The following L3MBTL4 variants were observed in gnomAD, a reference collection of about 807,000 sequenced individuals.
The protein encoded by L3MBTL4 is L3MBTL histone methyl-lysine binding protein 4.
In L3MBTL4, 70 loss-of-function variants were observed where a neutral mutation model predicts 84.5. The observed-to-expected ratio is 0.83, with a 90% CI of 0.68 to 1.01. The LOEUF (loss-of-function observed/expected upper bound fraction) is 1.01, where lower values mean the gene tolerates loss of function less well. Among genes scored for constraint, L3MBTL4 ranks in the 50% least tolerant of loss-of-function variants. The probability of loss-of-function intolerance (pLI) is 0.00; values close to 1 mark genes in which losing one functional copy is unlikely to be tolerated. For synonymous variants in L3MBTL4, 274 were observed against 259.8 expected (o/e 1.05, Z -0.52); for missense variants, 715 against 754.8 (o/e 0.95, Z 0.62).
intron 4 of L3MBTL4, among the ~76,000 whole-genome samples, chr18:6,285,229 G>T (rs978566952): frequency 6.6e-6 from 1 of 152,206 alleles, no homozygotes; most frequent in East Asian, 1.9e-4. Context: ...GGTGGCCATG[G>T]ATGCCAGGGA....
At chr18:6,381,702 C>T (rs924751627) in intron 1 of L3MBTL4, among the ~76,000 whole-genome samples, 2 of 152,244 alleles carry the variant, frequency 1.3e-5, no homozygotes, top group Admixed American at 1.3e-4. Flanking sequence ...GAGAGATCTG[C>T]TGTTAGTCTG....
chr18:6,213,144 T>C lies in L3MBTL4; in HGVS notation c.981+5A>G, dbSNP rs769946488. On this transcript the variant is annotated splice_donor_5th_base_variant and intron_variant, in intron 12 of 18. Coordinates refer to ENST00000317931, the MANE Select transcript of L3MBTL4 (RefSeq NM_001330559.2). ...TATAATAACATAATAATTTAAAATA[T>C]GTACCTTTACTCTTTGGTCATCAAC... is the stretch of plus-strand genomic sequence containing the variant. The C allele has an allele frequency of 5.4e-6, 8 of 1,494,272 alleles. No homozygotes were observed. The East Asian group carries it at 6.9e-5, about 13-fold the overall frequency. The allele number at this position is 1,494,272 out of a possible 1,614,324, so 92.6% of individuals were successfully genotyped here.
In L3MBTL4 at chr18:6,346,871, T is replaced by C. The variant is rs574636180; in HGVS notation, c.-90-34815A>G. 9.2e-5 allele frequency among the ~76,000 whole-genome samples: 14 copies of C among 152,244 alleles called. 1 individual carries two copies. The highest frequency in any genetic ancestry group is 6.5e-4 in the Admixed American group (10 of 15,296). On this transcript the variant is annotated intron_variant, in intron 1 of 18. Transcript: ENST00000317931. ...AAATCAGTATCCAAAGAAATATTTGTACTCCCATATTCACTGCAGCAATAT... is the reference window on the plus strand; with the variant it reads ...AAATCAGTATCCAAAGAAATATTTGCACTCCCATATTCACTGCAGCAATAT...
At chr18:6,139,955 T>G (rs2060144961) in intron 13 of L3MBTL4, among the ~76,000 whole-genome samples, 1 of 152,090 alleles carries the variant, frequency 6.6e-6, no homozygotes. Context: ...CTCTGGCAAA[T>G]GCTCAGGCAC....
intron 1 of L3MBTL4, among the ~76,000 whole-genome samples, chr18:6,413,279 T>C (rs1254508803): frequency 2.6e-5 from 4 of 152,210 alleles, no homozygotes; most frequent in Non-Finnish European, 4.4e-5. Flanking sequence ...TAAGTGATTC[T>C]GCAGTCAAGG....
intron 16 of L3MBTL4, among the ~76,000 whole-genome samples, chr18:6,051,368 G>C (rs780319384): frequency 6.6e-6 from 1 of 152,038 alleles, no homozygotes; most frequent in African/African-American, 2.4e-5. Context: ...GTGAAACCCC[G>C]TCTCTACTAA....
intron 10 of L3MBTL4, among the ~76,000 whole-genome samples, chr18:6,228,117 G>A (rs1261034075): frequency 3.9e-5 from 6 of 152,146 alleles, no homozygotes. Context: ...CGTAGACCTA[G>A]ACATACATTG....
chr18:6,109,227 G>A (rs889464686), intron 14 of L3MBTL4, among the ~76,000 whole-genome samples: 3 of 152,074 alleles, frequency 2.0e-5, no homozygotes, highest in Admixed American at 1.3e-4. Context: ...ATCAATAGTG[G>A]ACCAATTTTT....
At chr18:5,974,831 A>G (rs1343981911) in intron 16 of L3MBTL4, among the ~76,000 whole-genome samples, 1 of 152,082 alleles carries the variant, frequency 6.6e-6, no homozygotes, top group Non-Finnish European at 1.5e-5. Context: ...GGGCATGGTG[A>G]CATGCACCTG....
chr18:6,083,002 G>A lies in L3MBTL4; in HGVS notation c.1374-2051C>T, dbSNP rs146123824. On this transcript the variant is annotated intron_variant, in intron 15 of 18. Coordinates refer to ENST00000317931, the MANE Select transcript of L3MBTL4 (RefSeq NM_001330559.2). ...GGATAGTACTCTTGTTTTACACATT[G>A]AGAGACTGGGCTCAGAGACATTCAA... is the stretch of plus-strand genomic sequence containing the variant. Among the ~76,000 whole-genome samples, 1,026 of 152,230 alleles carry A rather than the reference G, an allele frequency of 6.7e-3. 17 individuals are homozygous for A. Among genetic ancestry groups the A allele is most frequent in the African/African-American group, 0.023 (966 of 41,530 alleles).
chr18:6,031,791 A>G, intron 16 of L3MBTL4: 1 of 981,566 alleles, frequency 1.0e-6, no homozygotes, highest in Non-Finnish European at 1.2e-6. Context: ...TCTGGTGACT[A>G]AAGGCAAATC....
chr18:6,338,421 A>G (rs1041856251), intron 1 of L3MBTL4, among the ~76,000 whole-genome samples: 1 of 152,124 alleles, frequency 6.6e-6, no homozygotes, highest in African/African-American at 2.4e-5. Context: ...ATTAATATCC[A>G]TATCAACAAT....
chr18:6,066,634 G>T (rs1428891455), intron 16 of L3MBTL4, among the ~76,000 whole-genome samples: 1 of 151,898 alleles, frequency 6.6e-6, no homozygotes, highest in Non-Finnish European at 1.5e-5. Context: ...TTTTTTAACT[G>T]TTGTTGCTTT....
At chr18:6,398,682 A>G (rs1170280894) in intron 1 of L3MBTL4, among the ~76,000 whole-genome samples, 5 of 147,856 alleles carry the variant, frequency 3.4e-5, no homozygotes, top group Admixed American at 2.1e-4. Flanking sequence ...TGTGCCTCAC[A>G]CTATTCCAAA....
At chr18:6,241,927 C>T (rs1350948234) in intron 7 of L3MBTL4, among the ~76,000 whole-genome samples, 3 of 152,158 alleles carry the variant, frequency 2.0e-5, no homozygotes, top group Non-Finnish European at 4.4e-5. Flanking sequence ...ATCCAGGATG[C>T]CAGGCACAGA....
At chr18:6,351,243 T>C (rs1295135138) in intron 1 of L3MBTL4, among the ~76,000 whole-genome samples, 1 of 152,104 alleles carries the variant, frequency 6.6e-6, no homozygotes, top group Non-Finnish European at 1.5e-5. Flanking sequence ...AACATTATGC[T>C]AAGCAAAATA....
chr18:6,173,895 C>T (rs1209038218), intron 12 of L3MBTL4, among the ~76,000 whole-genome samples: 1 of 152,030 alleles, frequency 6.6e-6, no homozygotes, highest in African/African-American at 2.4e-5. Context: ...GTAGCTGATA[C>T]GGGGCTGAGA....
intron 14 of L3MBTL4, among the ~76,000 whole-genome samples, chr18:6,115,183 T>A (rs966012125): frequency 6.6e-6 from 1 of 152,060 alleles, no homozygotes; most frequent in Admixed American, 6.5e-5. Flanking sequence ...TTTTGAGAAA[T>A]GGGCAGCCAT....
chr18:6,403,155 T>A (rs921603470), intron 1 of L3MBTL4, among the ~76,000 whole-genome samples: 1 of 152,230 alleles, frequency 6.6e-6, no homozygotes, highest in Non-Finnish European at 1.5e-5. Context: ...CACTTGACAT[T>A]TATGCGTATG....
Sources: allele counts gnomAD v4.1 joint callset (sites outside exome capture counted in the v4.1 genomes callset), GRCh38; gene constraint gnomAD v4.1.1; transcripts MANE v1.5; gene names NCBI Gene and HGNC (gene_info 2026-07-23, HGNC 2026-07-21).